The following GNS variants were observed in gnomAD, a reference collection of about 807,000 sequenced individuals.
GNS encodes the protein glucosamine (N-acetyl)-6-sulfatase, also known as N-acetylglucosamine-6-sulfatase.
Under a neutral mutation model 69.7 loss-of-function variants are expected in GNS, and 40 were observed. The ratio of observed to expected loss-of-function variants is 0.57; its 90% CI spans 0.45 to 0.75. The LOEUF (loss-of-function observed/expected upper bound fraction) is 0.75, where lower values mean the gene tolerates loss of function less well. Among genes scored for constraint, GNS ranks in the 30% least tolerant of loss-of-function variants. The pLI is 0.00. For missense variants in GNS, 565 were observed against 685.5 expected (o/e 0.82, Z 1.96); for synonymous variants, 243 against 251.6 (o/e 0.97, Z 0.32).
chr12:64,739,608 TA>T (rs370224255), intron 7 of GNS, 109 bp from the exon 8 acceptor site: 20,248 of 435,128 alleles, frequency 0.047, 1 homozygote, highest in East Asian at 0.06. Flanking sequence ...CACCCCCGTT[TA>T]AAAAAAAAAA....
intron 5 of GNS, among the ~76,000 whole-genome samples, chr12:64,744,050 T>C (rs1251389362): frequency 6.6e-6 from 1 of 152,172 alleles, no homozygotes; most frequent in Non-Finnish European, 1.5e-5. Context: ...CTCAGGGCCC[T>C]CCTACTTACT....
chr12:64,729,276 CT>C (rs1869310418), intron 9 of GNS: 2 of 536,328 alleles, frequency 3.7e-6, no homozygotes, highest in Non-Finnish European at 3.3e-6. Flanking sequence ...GTATATCCCC[CT>C]GGCAAGTTAC....
intron 2 of GNS, among the ~76,000 whole-genome samples, chr12:64,748,524 A>AT (rs1869967757): frequency 1.3e-5 from 2 of 152,052 alleles, no homozygotes; most frequent in South Asian, 4.1e-4. Flanking sequence ...TAATATTTAT[A>AT]CACAGGGGGC....
At chr12:64,744,720 G>A (rs1175702040) in intron 5 of GNS, 89 bp downstream of exon 5, 31 of 768,614 alleles carry the variant, frequency 4.0e-5, no homozygotes, top group South Asian at 3.4e-4. Flanking sequence ...CAACACAAAC[G>A]AATAAGATTA....
At chr12:64,752,107 T>C (rs1386956012) in intron 2 of GNS, among the ~76,000 whole-genome samples, 6 of 34,350 alleles carry the variant, frequency 1.7e-4, no homozygotes, top group Non-Finnish European at 5.1e-4. Context: ...AGAGGTTAAA[T>C]AGTTTGTCCA....
chr12:64,726,350 G>A (rs1869199621), intron 10 of GNS, among the ~76,000 whole-genome samples: 1 of 151,870 alleles, frequency 6.6e-6, no homozygotes, highest in Non-Finnish European at 1.5e-5. Flanking sequence ...AAAAGAAACT[G>A]AATCCCTGAC....
In GNS at chr12:64,745,667, A is replaced by G. The variant is rs761540772; in HGVS notation, c.517T>C (p.Tyr173His). The G allele has an allele frequency of 6.3e-7, 1 of 1,591,294 alleles. No homozygotes were observed. Among genetic ancestry groups the G allele is most frequent in the South Asian group, 1.1e-5 (1 of 90,618 alleles). Residue 173 changes from tyrosine to histidine, a missense_variant, in exon 4 of 14, where the codon TAT becomes CAT. Tyr to His is a moderately conservative substitution (Grantham distance 83). Around this residue, in one of 2 missense-constraint regions of GNS, gnomAD observed 384 missense variants for 511.0 expected, o/e 0.75. Coordinates refer to ENST00000258145, the MANE Select transcript of GNS (RefSeq NM_002076.4). ...EHVPLGWSYW[Y>H]ALEKNSKYYN... is the part of the protein sequence containing the mutation. ...CTTCAATAATCACTCACCAAGGCAT[A>G]CCAGTAACTCCAACCCAGAGGAACG...
At chr12:64,723,527 A>G (rs981210179) in intron 10 of GNS, among the ~76,000 whole-genome samples, 1 of 152,262 alleles carries the variant, frequency 6.6e-6, no homozygotes, top group Non-Finnish European at 1.5e-5. Context: ...CACAAGGACA[A>G]TAAAGAAATA....
rs756406058 is a variant in GNS at position 64,743,187 on chromosome 12, T to G, written c.746A>C (p.Gln249Pro). The change falls in exon 6 of 14, where the codon CAG (glutamine) becomes CCG (proline). Residue 249 changes from glutamine (Q) to proline (P), a missense_variant. By Grantham distance (76) the Gln-to-Pro change is moderately conservative. This residue lies in a region of GNS where 384 missense variants were observed against 511.0 expected (regional missense o/e 0.75). Transcript: ENST00000258145. ...CTTGTTTCTTGGTGCAAAGACATTC[T>G]GGAAAGCCTTCTGGTACTGAGGTGC... ...TAAPQYQKAF[Q>P]NVFAPRNKNF... 6.2e-7 allele frequency: 1 copy of G among 1,613,574 alleles called. No homozygotes were observed. Among genetic ancestry groups the G allele is most frequent in the African/African-American group, 1.3e-5 (1 of 74,898 alleles).
Position 64,714,889 on chromosome 12 carries a change from A to G in GNS, c.*1852T>C, listed in dbSNP as rs1450072637. 2 of 152,660 alleles carry G rather than the reference A, an allele frequency of 1.3e-5. No homozygotes were observed. Among genetic ancestry groups the G allele is most frequent in the African/African-American group, 4.8e-5 (2 of 41,452 alleles). 9.5% of individuals were successfully genotyped at this position (152,660 alleles called of 1,614,324 possible). ...TTTTTTGAATTTCCTTCTCTAAAAC[A>G]TTCACAGCAGAGGTGTCCATTTCAC... On this transcript the variant is annotated 3_prime_UTR_variant, in exon 14 of 14. Transcript: ENST00000258145.
At chr12:64,737,315 AG>A (rs934287662) in intron 8 of GNS, among the ~76,000 whole-genome samples, 3 of 152,244 alleles carry the variant, frequency 2.0e-5, no homozygotes, top group African/African-American at 7.2e-5. Context: ...AATGACTAGA[AG>A]GGACTCCCTG....
rs376822472 is a variant in GNS, at chr12:64,722,177, C to T, written c.1309-472G>A. ...GTAGCACAGGCATGCACCACCACGC[C>T]CGGCTAATTTTTGTATTTGTAGTAG... On this transcript the variant is annotated intron_variant, in intron 11 of 13. Transcript: ENST00000258145. Among the ~76,000 whole-genome samples, 44 of 152,038 alleles carry T rather than the reference C, an allele frequency of 2.9e-4. No homozygotes were observed. The East Asian group carries it at 7.0e-3, about 24-fold the overall frequency.
At chr12:64,754,637 C>T (rs1266179420) in intron 1 of GNS, among the ~76,000 whole-genome samples, 1 of 152,024 alleles carries the variant, frequency 6.6e-6, no homozygotes, top group Non-Finnish European at 1.5e-5. Flanking sequence ...ACCTGTTATC[C>T]CAGCACTTTA....
At chr12:64,750,943 T>G (rs1351038098) in intron 2 of GNS, among the ~76,000 whole-genome samples, 1 of 152,198 alleles carries the variant, frequency 6.6e-6, no homozygotes, top group Non-Finnish European at 1.5e-5. Context: ...TATAAAATGA[T>G]GTGCATATCT....
rs1868785991 is a variant in GNS, at chr12:64,713,977, A to G, written c.*2764T>C. The G allele has an allele frequency of 6.6e-6, 1 of 152,144 alleles. No homozygotes were observed. Among genetic ancestry groups the G allele is most frequent in the Non-Finnish European group, 1.5e-5 (1 of 68,036 alleles). 9.4% of individuals were successfully genotyped at this position (152,144 alleles called of 1,614,324 possible). A position where few individuals can be genotyped will look rare whatever the true frequency, so the allele number is the denominator to read the frequency against. On this transcript the variant is annotated 3_prime_UTR_variant, in exon 14 of 14. Coordinates refer to ENST00000258145, the MANE Select transcript of GNS (RefSeq NM_002076.4). Reference sequence around the variant, plus strand: ...AACCCCGTCTCTACTAAAATTACAAAAATCAGCCAGGTGGGGTGGCAGGCG... The same window carrying G: ...AACCCCGTCTCTACTAAAATTACAAGAATCAGCCAGGTGGGGTGGCAGGCG...
At position 64,743,257 on chromosome 12, in the gene GNS, A is replaced by G; in HGVS notation, c.676T>C (p.Phe226Leu). Residue 226 changes from phenylalanine to leucine, a missense_variant, in exon 6 of 14, where the codon TTC becomes CTC. Transcript: ENST00000258145. ...GGCGCTGGAGTGGCGATCATCATGA[A>G]GAAGGGCTCAAAGTTGGACTTGTAG... ...LDYKSNFEPFFMMIATPAPHS... is the reference protein window; with the variant it reads ...LDYKSNFEPFLMMIATPAPHS... The G allele has an allele frequency of 1.9e-6, 3 of 1,613,386 alleles. No homozygotes were observed. The highest frequency in any genetic ancestry group is 2.5e-6 in the Non-Finnish European group (3 of 1,179,334).
At chr12:64,737,480 C>G (rs1454648894) in intron 8 of GNS, among the ~76,000 whole-genome samples, 1 of 152,172 alleles carries the variant, frequency 6.6e-6, no homozygotes, top group African/African-American at 2.4e-5. Context: ...CCTGTGTTTC[C>G]TGAATAAACT....
rs544492518 is a variant in GNS at position 64,714,823 on chromosome 12, A to C, written c.*1918T>G. The C allele has an allele frequency of 6.5e-6, 1 of 152,764 alleles. No individual in the cohort carries two copies. Among genetic ancestry groups the C allele is most frequent in the Non-Finnish European group, 1.5e-5 (1 of 68,040 alleles). The allele number at this position is 152,764 out of a possible 1,614,324, so 9.5% of individuals were successfully genotyped here. A position where few individuals can be genotyped will look rare whatever the true frequency, so the allele number is the denominator to read the frequency against. On this transcript the variant is annotated 3_prime_UTR_variant, in exon 14 of 14. Transcript: ENST00000258145. The stretch of plus-strand genomic sequence containing the variant: ...AATGTTAAGAGTCAAAGTGAAAAAG[A>C]AAGCCGATACCCATATTCAACAGTG...
intron 3 of GNS, 22 bp from the exon 4 acceptor site, chr12:64,745,746 G>A: frequency 6.7e-7 from 1 of 1,495,710 alleles, no homozygotes; most frequent in Non-Finnish European, 9.3e-7. Context: ...AACAAGTAGG[G>A]ACAATTACAA....
Sources: gnomAD v4.1 joint callset for allele counts (sites outside exome capture counted in the v4.1 genomes callset) on GRCh38, gnomAD v4.1.1 for gene constraint, gnomAD v4.1.1 regional missense constraint, MANE v1.5 for transcripts, NCBI Gene and HGNC (gene_info 2026-07-23, HGNC 2026-07-21) for gene names.